The following PALS2 variants were observed in gnomAD, a reference collection of about 807,000 sequenced individuals.
The protein encoded by PALS2 is protein associated with LIN7 2, MAGUK p55 family member.
In PALS2, 27 loss-of-function variants were observed where a neutral mutation model predicts 61.6. That is an observed-to-expected ratio of 0.44 (90% confidence interval 0.32 to 0.60). PALS2 has a LOEUF of 0.60. Ranked by LOEUF, PALS2 falls within the 20% of genes least tolerant of loss-of-function variation. The pLI, the probability that PALS2 is intolerant of heterozygous loss-of-function variation, is 0.05. For synonymous variants in PALS2, 236 were observed against 218.6 expected (o/e 1.08, Z -0.70); for missense variants, 554 against 639.4 (o/e 0.87, Z 1.44).
At chr7:24,665,770 T>A in intron 7 of PALS2, 83 bp downstream of exon 7, 1 of 1,260,666 alleles carries the variant, frequency 7.9e-7, no homozygotes, top group South Asian at 1.3e-5. Flanking sequence ...AGCAAATGCA[T>A]TTATTTAAAA....
intron 1 of PALS2, among the ~76,000 whole-genome samples, chr7:24,599,505 CTTTTTT>C (rs1159029178): frequency 2.6e-5 from 3 of 116,612 alleles, no homozygotes; most frequent in African/African-American, 1.0e-4. Context: ...CTTCTATAAG[CTTTTTT>C]TTTTTTTTTT....
At chr7:24,661,613 A>G (rs2128085422) in intron 5 of PALS2, among the ~76,000 whole-genome samples, 1 of 152,244 alleles carries the variant, frequency 6.6e-6, no homozygotes, top group East Asian at 1.9e-4. Flanking sequence ...TATTTTTATA[A>G]CTTTGCATAC....
At chr7:24,609,557 A>G (rs1562612234) in intron 1 of PALS2, among the ~76,000 whole-genome samples, 1 of 152,098 alleles carries the variant, frequency 6.6e-6, no homozygotes, top group Non-Finnish European at 1.5e-5. Flanking sequence ...TTTGATGAAA[A>G]AAGGAATTTT....
intron 9 of PALS2, among the ~76,000 whole-genome samples, chr7:24,676,382 A>G (rs552993939): frequency 0.013 from 1,916 of 151,480 alleles, 44 homozygotes; most frequent in African/African-American, 0.043. Flanking sequence ...TAGTTTAATT[A>G]GATCCCATTT....
rs187886123 is a variant in PALS2 at position 24,615,849 on chromosome 7, G to C, written c.-2-7817G>C. On this transcript the variant is annotated intron_variant, in intron 1 of 11. Coordinates refer to ENST00000222644, the MANE Select transcript of PALS2 (RefSeq NM_001303037.2). ...ACCAAATCCAACAACACATCAAAAA[G>C]ATCATACAACATGATCAAGTGGGAT... Among the ~76,000 whole-genome samples, 6 of 152,102 alleles carry C rather than the reference G, an allele frequency of 3.9e-5. No homozygotes were observed. The East Asian group carries it at 1.2e-3, about 29-fold the overall frequency.
chr7:24,652,302 A>G (rs2128079509), intron 5 of PALS2, among the ~76,000 whole-genome samples: 1 of 152,344 alleles, frequency 6.6e-6, no homozygotes, highest in Admixed American at 6.5e-5. Flanking sequence ...AAAATTTTAT[A>G]ATATTAATAA....
At chr7:24,634,472 C>T (rs1785148899) in intron 2 of PALS2, among the ~76,000 whole-genome samples, 1 of 152,168 alleles carries the variant, frequency 6.6e-6, no homozygotes, top group Non-Finnish European at 1.5e-5. Context: ...CCTCGTGATC[C>T]ATCCGCCTCG....
Position 24,595,518 on chromosome 7 carries a change from T to TATATATAATATATAATATATAATATATAA in PALS2, c.-3+21933_-3+21961dup, listed in dbSNP as rs1783479067. On this transcript the variant is annotated intron_variant, in intron 1 of 11. Transcript: ENST00000222644. ...TATTTTTAATATATATAATATATAA[T>TATATATAATATATAATATATAATATATAA]ATATATAATATATAATATATAATAT... Among the ~76,000 whole-genome samples, 4 of 91,072 alleles carry TATATATAATATATAATATATAATATATAA rather than the reference T, an allele frequency of 4.4e-5. 1 individual carries two copies. The highest frequency in any genetic ancestry group is 8.5e-4 in the South Asian group (2 of 2,346). The allele number at this position is 91,072 out of a possible 152,430, so 59.7% of individuals were successfully genotyped here. A position where few individuals can be genotyped will look rare whatever the true frequency, so the allele number is the denominator to read the frequency against.
intron 6 of PALS2, among the ~76,000 whole-genome samples, chr7:24,664,618 A>C (rs1022165288): frequency 2.0e-5 from 3 of 152,180 alleles, no homozygotes; most frequent in Non-Finnish European, 4.4e-5. Flanking sequence ...ACAGAATGAG[A>C]ACAATCTTAC....
intron 1 of PALS2, among the ~76,000 whole-genome samples, chr7:24,579,627 A>G (rs1388347283): frequency 6.6e-6 from 1 of 151,974 alleles, no homozygotes; most frequent in Non-Finnish European, 1.5e-5. Flanking sequence ...ATTTTCCGAT[A>G]CTTTGTATCC....
At chr7:24,648,377 C>G (rs1251940576) in intron 3 of PALS2, among the ~76,000 whole-genome samples, 1 of 149,002 alleles carries the variant, frequency 6.7e-6, no homozygotes, top group Non-Finnish European at 1.5e-5. Flanking sequence ...ACTGCAACCT[C>G]TGCCTCCCGG....
At chr7:24,600,720 G>T (rs575566221) in intron 1 of PALS2, among the ~76,000 whole-genome samples, 3 of 152,146 alleles carry the variant, frequency 2.0e-5, no homozygotes, top group African/African-American at 7.2e-5. Context: ...TTACGTTTTA[G>T]TTGAATGTTT....
chr7:24,668,667 T>G lies in PALS2; in HGVS notation c.1114+7T>G. 1 of 1,613,330 alleles carries G rather than the reference T, an allele frequency of 6.2e-7. No individual in the cohort carries two copies. The highest frequency in any genetic ancestry group is 1.1e-5 in the South Asian group (1 of 90,918). On this transcript the variant is annotated splice_region_variant and intron_variant, in intron 9 of 11. Transcript: ENST00000222644. ...TTTGGAACTACGGTGCCATGTAAGTTTTCTGTGTTTTCCTTGCTATGCAAT... is the reference window on the plus strand; with the variant it reads ...TTTGGAACTACGGTGCCATGTAAGTGTTCTGTGTTTTCCTTGCTATGCAAT...
chr7:24,614,223 C>A (rs191606347), intron 1 of PALS2, among the ~76,000 whole-genome samples: 2 of 151,616 alleles, frequency 1.3e-5, no homozygotes, highest in Non-Finnish European at 3.0e-5. Context: ...AAAAGAGTTC[C>A]TTTTTCTCCA....
Position 24,658,777 on chromosome 7 carries a change from G to A in PALS2, c.652-4813G>A, listed in dbSNP as rs537870203. Among the ~76,000 whole-genome samples the A allele has an allele frequency of 4.6e-5, 7 of 151,738 alleles. No homozygotes were observed. In the East Asian group the frequency reaches 9.7e-4, roughly 21 times the overall value. ...TCATCACGTTGGCCAGGATGGTCTC[G>A]ATCTCTTGATCTCGTGATCCATCTG... On this transcript the variant is annotated intron_variant, in intron 5 of 11. Coordinates refer to ENST00000222644, the MANE Select transcript of PALS2 (RefSeq NM_001303037.2).
chr7:24,602,394 G>A (rs925948409), intron 1 of PALS2, among the ~76,000 whole-genome samples: 1 of 152,092 alleles, frequency 6.6e-6, no homozygotes, highest in East Asian at 1.9e-4. Context: ...AAGAGTGGGG[G>A]ACTAAAAACC....
intron 1 of PALS2, among the ~76,000 whole-genome samples, chr7:24,601,855 A>T (rs1281713493): frequency 1.3e-5 from 2 of 151,890 alleles, no homozygotes; most frequent in South Asian, 2.1e-4. Context: ...TTGACACGTG[A>T]TTTTTTTCTT....
At chr7:24,583,666 T>TC (rs1284775046) in intron 1 of PALS2, among the ~76,000 whole-genome samples, 1 of 151,518 alleles carries the variant, frequency 6.6e-6, no homozygotes, top group Non-Finnish European at 1.5e-5. Flanking sequence ...TATTTAATTT[T>TC]TTTTTTTATT....
chr7:24,635,595 A>T (rs982772882), intron 2 of PALS2, among the ~76,000 whole-genome samples: 2 of 152,158 alleles, frequency 1.3e-5, no homozygotes, highest in African/African-American at 4.8e-5. Context: ...AATAGAAGTG[A>T]TGAGAGTGGA....
Sources: allele counts gnomAD v4.1 joint callset (sites outside exome capture counted in the v4.1 genomes callset), GRCh38; gene constraint gnomAD v4.1.1; transcripts MANE v1.5; gene names NCBI Gene and HGNC (gene_info 2026-07-23, HGNC 2026-07-21).